Variants in RBM6 observed in about 807,000 individuals in gnomAD.
RBM6 encodes RNA-binding protein 6.
Under a neutral mutation model 140.4 loss-of-function variants are expected in RBM6, and 23 were observed. The ratio of observed to expected loss-of-function variants is 0.16; its 90% CI spans 0.12 to 0.23. RBM6 has a LOEUF of 0.23. RBM6 is among the 10% of genes least tolerant of loss of function. The pLI, the probability that RBM6 is intolerant of heterozygous loss-of-function variation, is 1.00. For synonymous variants in RBM6, 439 were observed against 475.6 expected (o/e 0.92, Z 1.00); for missense variants, 1,139 against 1,386.7 (o/e 0.82, Z 2.84).
rs143885330 is a variant in RBM6, at chr3:49,994,660, A to T, written c.1484-4780A>T. ...AATAATACTTTTTGTTTGGAGAAAA[A>T]GGCTGTGGGGTGTGTGTGTGTGTGT... On this transcript the variant is annotated intron_variant, in intron 5 of 20. Coordinates refer to ENST00000266022, the MANE Select transcript of RBM6 (RefSeq NM_005777.3). Among the ~76,000 whole-genome samples, 17 of 102,302 alleles carry T rather than the reference A, an allele frequency of 1.7e-4. No homozygotes were observed. The East Asian group carries it at 3.7e-3, about 22-fold the overall frequency. The allele number at this position is 102,302 out of a possible 152,430, so 67.1% of individuals were successfully genotyped here. A position where few individuals can be genotyped will look rare whatever the true frequency, so the allele number is the denominator to read the frequency against.
chr3:50,061,872 TC>T (rs2089956500), intron 14 of RBM6, 89 bp from the exon 15 acceptor site: 4 of 1,493,728 alleles, frequency 2.7e-6, no homozygotes, highest in Non-Finnish European at 3.6e-6. Flanking sequence ...AGTTGTTTCT[TC>T]CCCTAAAAGG....
chr3:49,986,011 G>C (rs1575614745), intron 5 of RBM6, among the ~76,000 whole-genome samples: 1 of 147,764 alleles, frequency 6.8e-6, no homozygotes, highest in African/African-American at 2.5e-5. Context: ...TTTGAGATGG[G>C]GTCTCACTTT....
chr3:50,034,175 G>C (rs1484592594), intron 6 of RBM6, among the ~76,000 whole-genome samples: 1 of 149,422 alleles, frequency 6.7e-6, no homozygotes, highest in Non-Finnish European at 1.5e-5. Flanking sequence ...GTAGAGACAA[G>C]GTTTCATCAT....
intron 6 of RBM6, among the ~76,000 whole-genome samples, chr3:50,025,162 C>T (rs1006859680): frequency 4.0e-5 from 6 of 151,830 alleles, no homozygotes; most frequent in Admixed American, 3.3e-4. Flanking sequence ...CGGTGGCTCA[C>T]GCCTGTAATC....
intron 6 of RBM6, among the ~76,000 whole-genome samples, chr3:50,047,534 C>CA (rs2089279353): frequency 6.6e-6 from 1 of 152,162 alleles, no homozygotes; most frequent in African/African-American, 2.4e-5. Flanking sequence ...GTTCCTGTGC[C>CA]AGACTTTCCC....
chr3:49,999,293 G>A (rs2086220044), intron 5 of RBM6, 147 bp from the exon 6 acceptor site: 1 of 637,748 alleles, frequency 1.6e-6, no homozygotes, highest in Non-Finnish European at 2.8e-6. Context: ...TTCTATTTGG[G>A]GTAGCAACTT....
At chr3:50,017,311 A>G (rs1318848827) in intron 6 of RBM6, among the ~76,000 whole-genome samples, 1 of 152,146 alleles carries the variant, frequency 6.6e-6, no homozygotes, top group African/African-American at 2.4e-5. Flanking sequence ...TAATCCCAAC[A>G]CTTTGGGAGG....
chr3:49,991,943 T>TTATA (rs2085845214), intron 5 of RBM6, among the ~76,000 whole-genome samples: 1 of 150,594 alleles, frequency 6.6e-6, no homozygotes, highest in East Asian at 1.9e-4. Context: ...TTTTATTTTA[T>TTATA]TTTATTTATT....
At chr3:49,980,718 C>G (rs921740031) in intron 5 of RBM6, among the ~76,000 whole-genome samples, 5 of 145,890 alleles carry the variant, frequency 3.4e-5, no homozygotes, top group African/African-American at 1.3e-4. Flanking sequence ...GCCAAGATCA[C>G]GCCATTGCAC....
intron 8 of RBM6, among the ~76,000 whole-genome samples, chr3:50,055,179 G>C (rs1334770323): frequency 6.6e-6 from 1 of 152,216 alleles, no homozygotes; most frequent in African/African-American, 2.4e-5. Context: ...TGTAATCCCA[G>C]CACTTTGGGA....
chr3:50,048,806 A>G (rs1419567140), intron 7 of RBM6, among the ~76,000 whole-genome samples: 2 of 151,912 alleles, frequency 1.3e-5, no homozygotes, highest in Admixed American at 6.6e-5. Context: ...ATTTTAGGCT[A>G]TACTCTTTTT....
At chr3:49,978,859 T>G (rs1446960215) in intron 5 of RBM6, among the ~76,000 whole-genome samples, 1 of 152,192 alleles carries the variant, frequency 6.6e-6, no homozygotes, top group Non-Finnish European at 1.5e-5. Context: ...CATTTGCCAT[T>G]TACAAATACA....
At chr3:50,059,622 T>C (rs2089857251) in intron 10 of RBM6, 27 bp from the exon 11 acceptor site, 2 of 1,576,150 alleles carry the variant, frequency 1.3e-6, no homozygotes, top group African/African-American at 2.7e-5. Flanking sequence ...TTTCTGTCTC[T>C]GGGTTCAAGT....
intron 6 of RBM6, 129 bp from the exon 7 acceptor site, chr3:50,048,116 C>A (rs1441513223): frequency 1.1e-5 from 16 of 1,462,390 alleles, no homozygotes; most frequent in Admixed American, 2.7e-5. Flanking sequence ...CATTTCCTTT[C>A]ACCAGTGAAT....
intron 6 of RBM6, among the ~76,000 whole-genome samples, chr3:50,005,679 A>G (rs1178262190): frequency 1.3e-5 from 2 of 152,196 alleles, no homozygotes; most frequent in Non-Finnish European, 2.9e-5. Context: ...AACAAAACCA[A>G]TAATCTGTAG....
chr3:50,043,387 A>G (rs1356615327), intron 6 of RBM6, among the ~76,000 whole-genome samples: 4 of 151,402 alleles, frequency 2.6e-5, no homozygotes, highest in African/African-American at 9.7e-5. Context: ...GGAGGCAGAA[A>G]CAGGAGAATC....
chr3:50,023,471 A>G (rs2108800855), intron 6 of RBM6, among the ~76,000 whole-genome samples: 1 of 151,954 alleles, frequency 6.6e-6, no homozygotes, highest in South Asian at 2.1e-4. Flanking sequence ...ACACCTGACT[A>G]ATTTCTGTTA....
chr3:50,048,157 T>C lies in RBM6; in HGVS notation c.1558-88T>C, dbSNP rs369402100. On this transcript the variant is annotated intron_variant, in intron 6 of 20. Coordinates refer to ENST00000266022, the MANE Select transcript of RBM6 (RefSeq NM_005777.3). Reference sequence around the variant, plus strand: ...TCACTCTTTATAAAATGTTTCAGCTTGGGGATTGGAAAGGCTCTCTGTGCC... The same window carrying C: ...TCACTCTTTATAAAATGTTTCAGCTCGGGGATTGGAAAGGCTCTCTGTGCC... 113 of 1,540,514 alleles carry C rather than the reference T, an allele frequency of 7.3e-5. 1 individual carries two copies. The East Asian group carries it at 1.7e-3, about 23-fold the overall frequency.
intron 18 of RBM6, 26 bp downstream of exon 18, chr3:50,068,790 C>A: frequency 6.3e-7 from 1 of 1,595,970 alleles, no homozygotes; most frequent in Non-Finnish European, 8.6e-7. Context: ...CTATTACTCC[C>A]TTGACCTCAG....
Sources: allele counts gnomAD v4.1 joint callset (sites outside exome capture counted in the v4.1 genomes callset), GRCh38; gene constraint gnomAD v4.1.1; transcripts MANE v1.5; gene names NCBI Gene and HGNC (gene_info 2026-07-23, HGNC 2026-07-21).